Variants in PARD3B observed in about 807,000 individuals in gnomAD.
PARD3B encodes partitioning defective 3 homolog B.
In PARD3B, 103 loss-of-function variants were observed where a neutral mutation model predicts 130.2. That is an observed-to-expected ratio of 0.79 (90% CI 0.67 to 0.93). The LOEUF is 0.93. Ranked by LOEUF, PARD3B falls within the 40% of genes least tolerant of loss-of-function variation. The pLI is 0.00. For synonymous variants in PARD3B, 583 were observed against 553.2 expected (o/e 1.05, Z -0.76); for missense variants, 1,609 against 1,499.2 (o/e 1.07, Z -1.21).
chr2:204,956,676 G>T (rs1690265734), intron 2 of PARD3B, among the ~76,000 whole-genome samples: 1 of 152,074 alleles, frequency 6.6e-6, no homozygotes, highest in African/African-American at 2.4e-5. Flanking sequence ...GGCAAGTGAG[G>T]CCACCTAGTA....
In PARD3B at chr2:204,939,489, T is replaced by C. The variant is rs116497134; in HGVS notation, c.223-25663T>C. 4.9e-3 allele frequency among the ~76,000 whole-genome samples: 748 copies of C among 152,338 alleles called. 7 individuals are homozygous for C. Among genetic ancestry groups the C allele is most frequent in the African/African-American group, 0.017 (703 of 41,574 alleles). ...ACAGAAGGCTTTTTATTCATGTCTG[T>C]GCTTCAATAAATCAAGGAATAACAG... On this transcript the variant is annotated intron_variant, in intron 2 of 22. Coordinates refer to ENST00000406610, the MANE Select transcript of PARD3B (RefSeq NM_001302769.2).
At chr2:204,764,231 G>A (rs1193275043) in intron 2 of PARD3B, among the ~76,000 whole-genome samples, 1 of 152,134 alleles carries the variant, frequency 6.6e-6, no homozygotes, top group Non-Finnish European at 1.5e-5. Flanking sequence ...TGAATTTCTG[G>A]TAGCTCCACC....
chr2:204,643,386 C>G (rs2035162283), intron 1 of PARD3B, among the ~76,000 whole-genome samples: 1 of 152,026 alleles, frequency 6.6e-6, no homozygotes, highest in Non-Finnish European at 1.5e-5. Flanking sequence ...TCCCTCCTCT[C>G]CAAACTCTTG....
intron 2 of PARD3B, among the ~76,000 whole-genome samples, chr2:204,735,671 T>C (rs1484768201): frequency 1.3e-5 from 2 of 152,104 alleles, no homozygotes; most frequent in African/African-American, 4.8e-5. Flanking sequence ...TTAGAGCAAG[T>C]GGAAAAATTT....
intron 2 of PARD3B, among the ~76,000 whole-genome samples, chr2:204,797,888 A>T (rs896593028): frequency 2.0e-5 from 3 of 152,220 alleles, no homozygotes; most frequent in Non-Finnish European, 4.4e-5. Flanking sequence ...ACATTACTTT[A>T]GGTGAGTTAA....
chr2:205,163,319 T>C (rs532831618), intron 11 of PARD3B, among the ~76,000 whole-genome samples: 1 of 152,354 alleles, frequency 6.6e-6, no homozygotes, highest in South Asian at 2.1e-4. Flanking sequence ...CTATCAGTTA[T>C]TCTCTAGAGA....
At chr2:205,533,792 C>A (rs2051711522) in intron 21 of PARD3B, among the ~76,000 whole-genome samples, 1 of 152,042 alleles carries the variant, frequency 6.6e-6, no homozygotes, top group Admixed American at 6.6e-5. Flanking sequence ...TGCAGGGGTG[C>A]AAACAGGTCA....
chr2:205,485,062 T>A (rs1277203687), intron 20 of PARD3B, among the ~76,000 whole-genome samples: 2 of 152,226 alleles, frequency 1.3e-5, no homozygotes, highest in African/African-American at 4.8e-5. Flanking sequence ...TGCCATTACC[T>A]CGCCTGAATG....
chr2:204,796,094 T>C (rs2042365374), intron 2 of PARD3B, among the ~76,000 whole-genome samples: 1 of 152,202 alleles, frequency 6.6e-6, no homozygotes, highest in South Asian at 2.1e-4. Flanking sequence ...CAAAAAGATG[T>C]TAATGAAAAA....
At position 205,008,365 on chromosome 2, in the gene PARD3B, C is replaced by T. The variant is rs370818532; in HGVS notation, c.395-39216C>T. Among the ~76,000 whole-genome samples, 15 of 150,908 alleles carry T rather than the reference C, an allele frequency of 9.9e-5. No homozygotes were observed. In the East Asian group the frequency reaches 2.7e-3, roughly 27 times the overall value. On this transcript the variant is annotated intron_variant, in intron 3 of 22. Transcript: ENST00000406610. The stretch of plus-strand genomic sequence containing the variant: ...ACTCTTCTAATAGGAAAGTTTTAGG[C>T]TTCCTTTAACATAACTATTTTATTG...
intron 2 of PARD3B, among the ~76,000 whole-genome samples, chr2:204,840,117 G>T (rs1342717598): frequency 6.6e-6 from 1 of 152,004 alleles, no homozygotes; most frequent in Non-Finnish European, 1.5e-5. Context: ...TATTATTAAG[G>T]TAGTTAATGT....
intron 18 of PARD3B, among the ~76,000 whole-genome samples, chr2:205,302,282 T>A (rs1050570950): frequency 5.3e-5 from 8 of 151,296 alleles, no homozygotes; most frequent in Non-Finnish European, 1.2e-4. Flanking sequence ...GGGCCAGGAG[T>A]CTTGAACTCC....
In PARD3B at chr2:205,407,326, G is replaced by C. The variant is rs959141664; in HGVS notation, c.2741+6203G>C. On this transcript the variant is annotated intron_variant, in intron 19 of 22. Coordinates refer to ENST00000406610, the MANE Select transcript of PARD3B (RefSeq NM_001302769.2). This position sits in a 1 kb window ranked among gnomAD's most constrained non-coding sequence, Gnocchi z 4.1. The stretch of plus-strand genomic sequence containing the variant: ...TTTTGTTCATGCTTCAGTGAGATTA[G>C]CCATAATAAAAGATTAGTTCCAAAG... Among the ~76,000 whole-genome samples the C allele has an allele frequency of 3.3e-5, 5 of 152,154 alleles. No individual in the cohort carries two copies. Among genetic ancestry groups the C allele is most frequent in the African/African-American group, 1.2e-4 (5 of 41,428 alleles).
chr2:204,656,614 C>T (rs1384721295), intron 1 of PARD3B, among the ~76,000 whole-genome samples: 4 of 152,148 alleles, frequency 2.6e-5, no homozygotes, highest in African/African-American at 9.7e-5. Flanking sequence ...ACTATGAACT[C>T]AGATCTCCTC....
chr2:205,298,494 G>GT (rs1048814092), intron 16 of PARD3B, among the ~76,000 whole-genome samples: 5 of 36,340 alleles, frequency 1.4e-4, no homozygotes, highest in Admixed American at 4.4e-4. Context: ...GAAATTTTTT[G>GT]TATTTTTTTT....
chr2:204,633,248 A>G (rs552801663), intron 1 of PARD3B, among the ~76,000 whole-genome samples: 7 of 152,260 alleles, frequency 4.6e-5, no homozygotes, highest in African/African-American at 7.2e-5. Context: ...AGAGGAAAAC[A>G]TATCTATGTA....
At chr2:205,498,651 A>G (rs1449267221) in intron 20 of PARD3B, among the ~76,000 whole-genome samples, 2 of 152,228 alleles carry the variant, frequency 1.3e-5, no homozygotes, top group African/African-American at 4.8e-5. Flanking sequence ...AACCAAAGTG[A>G]TCGACTTGCA....
intron 1 of PARD3B, among the ~76,000 whole-genome samples, chr2:204,685,947 A>G (rs2037055809): frequency 6.6e-6 from 1 of 152,172 alleles, no homozygotes; most frequent in Non-Finnish European, 1.5e-5. Context: ...ATTGCAATTT[A>G]CCTTCCAGGA....
chr2:204,927,220 A>G (rs1687687015), intron 2 of PARD3B, among the ~76,000 whole-genome samples: 2 of 152,092 alleles, frequency 1.3e-5, no homozygotes, highest in Non-Finnish European at 2.9e-5. Flanking sequence ...CCAAATTCCT[A>G]TGTTGAAATC....
Sources: allele counts gnomAD v4.1 joint callset (sites outside exome capture counted in the v4.1 genomes callset), GRCh38; gene constraint gnomAD v4.1.1; non-coding constraint Gnocchi (gnomAD v3.1); transcripts MANE v1.5; gene names NCBI Gene and HGNC (gene_info 2026-07-23, HGNC 2026-07-21).